DNM2: variants seen among roughly 807,000 people sequenced by gnomAD.
DNM2 encodes dynamin 2.
A neutral mutation model predicts 99.0 loss-of-function variants in DNM2; 15 were observed. The ratio of observed to expected loss-of-function variants is 0.15; its 90% CI spans 0.10 to 0.23. The LOEUF is 0.23. Among genes scored for constraint, DNM2 ranks in the 10% least tolerant of loss-of-function variants. The pLI is 1.00. For missense variants in DNM2, 742 were observed against 1,189.4 expected (o/e 0.62, Z 5.53); for synonymous variants, 525 against 481.2 (o/e 1.09, Z -1.19).
intron 1 of DNM2, among the ~76,000 whole-genome samples, chr19:10,753,717 C>T (rs2070284214): frequency 6.6e-6 from 1 of 151,148 alleles, no homozygotes; most frequent in African/African-American, 2.4e-5. Context: ...GGTGCAATGG[C>T]GCGATCTCAG....
At chr19:10,822,171 T>G (rs1483653964) in intron 16 of DNM2, among the ~76,000 whole-genome samples, 1 of 151,554 alleles carries the variant, frequency 6.6e-6, no homozygotes, top group Non-Finnish European at 1.5e-5. Context: ...CCTGGTTCTT[T>G]TTTCTTTTTC....
chr19:10,768,165 C>G (rs778320842), intron 2 of DNM2, among the ~76,000 whole-genome samples: 6 of 151,642 alleles, frequency 4.0e-5, no homozygotes, highest in African/African-American at 9.7e-5. Context: ...AAAGAACAGC[C>G]CCTGCTGGCC....
rs2073343707 is a variant in DNM2, at chr19:10,831,342, G to A, written c.*295G>A. On this transcript the variant is annotated 3_prime_UTR_variant, in exon 21 of 21. Transcript: ENST00000389253. The surrounding 1 kb of genome is among the most constrained non-coding windows in gnomAD (Gnocchi z 4.3). ...AACCCTTGACACCATCCTGAATGAG[G>A]GGTCCAGCCTGGGGGGGACTCTACC... 2 of 1,188,734 alleles carry A rather than the reference G, an allele frequency of 1.7e-6. No homozygotes were observed. Among genetic ancestry groups the A allele is most frequent in the African/African-American group, 3.2e-5 (2 of 62,668 alleles). 73.6% of individuals were successfully genotyped at this position (1,188,734 alleles called of 1,614,324 possible). A position where few individuals can be genotyped will look rare whatever the true frequency, so the allele number is the denominator to read the frequency against.
In DNM2 at chr19:10,779,502, C is replaced by CTTTTTTTTTT. The variant is rs55819116; in HGVS notation, c.688+2302_688+2311dup. Among the ~76,000 whole-genome samples the CTTTTTTTTTT allele has an allele frequency of 1.6e-3, 48 of 29,622 alleles. 6 individuals carry two copies. Among genetic ancestry groups the CTTTTTTTTTT allele is most frequent in the Non-Finnish European group, 2.0e-3 (34 of 17,228 alleles). 19.4% of individuals were successfully genotyped at this position (29,622 alleles called of 152,430 possible). ...TCTTTCTTTCTTTCTTTCTTTCTTT[C>CTTTTTTTTTT]TTTTTTTTTTTTTTTTTTTTTTTTT... is the stretch of plus-strand genomic sequence containing the variant. On this transcript the variant is annotated intron_variant, in intron 5 of 20. Coordinates refer to ENST00000389253, the MANE Select transcript of DNM2 (RefSeq NM_001005361.3).
chr19:10,790,790 G>A (rs925778947), intron 7 of DNM2, among the ~76,000 whole-genome samples: 1 of 152,006 alleles, frequency 6.6e-6, no homozygotes, highest in South Asian at 2.1e-4. Flanking sequence ...TTTTTTAAAC[G>A]GGGTCTCGCC....
chr19:10,787,401 G>A (rs1259464684), intron 7 of DNM2, among the ~76,000 whole-genome samples: 1 of 151,406 alleles, frequency 6.6e-6, no homozygotes, highest in East Asian at 1.9e-4. Context: ...AACCCAGGAG[G>A]TGGAGCTTTC....
At chr19:10,762,063 C>T (rs1026820529) in intron 2 of DNM2, among the ~76,000 whole-genome samples, 7 of 152,102 alleles carry the variant, frequency 4.6e-5, no homozygotes, top group African/African-American at 9.7e-5. Flanking sequence ...TATTTTGAGA[C>T]GGAGTCTCAC....
intron 1 of DNM2, among the ~76,000 whole-genome samples, chr19:10,749,721 G>T (rs771990193): frequency 1.1e-4 from 17 of 152,272 alleles, no homozygotes; most frequent in Non-Finnish European, 1.9e-4. Flanking sequence ...TGTCTGGCAG[G>T]CACTGTTCTA....
chr19:10,807,336 G>A (rs894102817), intron 13 of DNM2, among the ~76,000 whole-genome samples: 3 of 151,810 alleles, frequency 2.0e-5, no homozygotes, highest in African/African-American at 7.3e-5. Flanking sequence ...CACCTCCCGG[G>A]TTCAAGCAAT....
intron 3 of DNM2, among the ~76,000 whole-genome samples, chr19:10,773,090 G>A (rs2071034795): frequency 7.2e-6 from 1 of 138,304 alleles, no homozygotes; most frequent in Non-Finnish European, 1.5e-5. Context: ...AGCAATTATT[G>A]TGCCTCAGCC....
At position 10,820,112 on chromosome 19, in the gene DNM2, G is replaced by A; in HGVS notation, c.1781+23G>A. 6.2e-7 allele frequency: 1 copy of A among 1,612,338 alleles called. No homozygotes were observed. The highest frequency in any genetic ancestry group is 8.5e-7 in the Non-Finnish European group (1 of 1,178,618). ...GAGGTGAGGGGCCCAGGGGCCTGGG[G>A]ATGGCTCGGGGTGAAGACCAATGGC... is the stretch of plus-strand genomic sequence containing the variant. On this transcript the variant is annotated intron_variant, in intron 16 of 20. Transcript: ENST00000389253. The surrounding 1 kb of genome is among the most constrained non-coding windows in gnomAD (Gnocchi z 4.3).
intron 18 of DNM2, among the ~76,000 whole-genome samples, chr19:10,828,007 G>A (rs1487963374): frequency 6.6e-6 from 1 of 152,188 alleles, no homozygotes; most frequent in Non-Finnish European, 1.5e-5. Flanking sequence ...AGGATTAGCC[G>A]GGCGCAGTGG....
chr19:10,779,805 C>T (rs2071296778), intron 5 of DNM2, among the ~76,000 whole-genome samples: 1 of 152,090 alleles, frequency 6.6e-6, no homozygotes, highest in African/African-American at 2.4e-5. Context: ...AGGCACTCGC[C>T]ACCACACACA....
intron 19 of DNM2, 27 bp downstream of exon 19, chr19:10,829,295 C>T (rs372232761): frequency 1.2e-6 from 2 of 1,608,256 alleles, no homozygotes; most frequent in Non-Finnish European, 1.7e-6. Context: ...CCCCTACCCT[C>T]AAGCATTCGG....
intron 5 of DNM2, chr19:10,781,519 A>G (rs1437764304): frequency 6.6e-6 from 1 of 152,300 alleles, no homozygotes; most frequent in Non-Finnish European, 1.5e-5. Flanking sequence ...ACTGTGGCTC[A>G]CGCCTGTAAT....
chr19:10,775,664 C>G lies in DNM2; in HGVS notation c.386-39C>G. On this transcript the variant is annotated intron_variant, in intron 3 of 20. Coordinates refer to ENST00000389253, the MANE Select transcript of DNM2 (RefSeq NM_001005361.3). This position sits in a 1 kb window ranked among gnomAD's most constrained non-coding sequence, Gnocchi z 4.3. ...GCGGGCCTGTTTGTGCCTCCCCTCTCCTGGCTCTGAATGCCTTTCCTTCTG... is the reference window on the plus strand; with the variant it reads ...GCGGGCCTGTTTGTGCCTCCCCTCTGCTGGCTCTGAATGCCTTTCCTTCTG... 6.2e-7 allele frequency: 1 copy of G among 1,613,220 alleles called. No individual in the cohort carries two copies. Among genetic ancestry groups the G allele is most frequent in the Non-Finnish European group, 8.5e-7 (1 of 1,179,378 alleles).
intron 1 of DNM2, among the ~76,000 whole-genome samples, chr19:10,747,845 A>G (rs2070046481): frequency 6.6e-6 from 1 of 152,040 alleles, no homozygotes; most frequent in Non-Finnish European, 1.5e-5. Context: ...TGTGTGAAAG[A>G]AGGGGAGCAG....
intron 5 of DNM2, chr19:10,781,436 C>G (rs981082628): frequency 6.7e-6 from 1 of 149,952 alleles, no homozygotes; most frequent in African/African-American, 2.5e-5. Flanking sequence ...GATAGATGAC[C>G]GGCACCTCTC....
In DNM2 at chr19:10,775,107, A is replaced by C. The variant is rs957506784; in HGVS notation, c.386-596A>C. On this transcript the variant is annotated intron_variant, in intron 3 of 20. Coordinates refer to ENST00000389253, the MANE Select transcript of DNM2 (RefSeq NM_001005361.3). The surrounding 1 kb of genome is among the most constrained non-coding windows in gnomAD (Gnocchi z 4.3). ...TCTTTTGTTTTTGTTTTTTTGAGACAGTCTTGCTCTGTCGCCCAGGCTGGA... is the reference window on the plus strand; with the variant it reads ...TCTTTTGTTTTTGTTTTTTTGAGACCGTCTTGCTCTGTCGCCCAGGCTGGA... Among the ~76,000 whole-genome samples, 3 of 149,006 alleles carry C rather than the reference A, an allele frequency of 2.0e-5. No homozygotes were observed. Among genetic ancestry groups the C allele is most frequent in the Non-Finnish European group, 4.5e-5 (3 of 67,320 alleles).
Sources: allele counts gnomAD v4.1 joint callset (sites outside exome capture counted in the v4.1 genomes callset), GRCh38; gene constraint gnomAD v4.1.1; non-coding constraint Gnocchi (gnomAD v3.1); transcripts MANE v1.5; gene names NCBI Gene and HGNC (gene_info 2026-07-23, HGNC 2026-07-21).